TBC1D1: variants seen among roughly 807,000 people sequenced by gnomAD.
TBC1D1 encodes the protein TBC1 domain family member 1, also known as TBC1 (tre-2/USP6, BUB2, cdc16) domain family, member 1.
TBC1D1 carries 89 observed loss-of-function variants against 125.6 expected under a neutral mutation model. The observed-to-expected ratio is 0.71, with a 90% CI of 0.60 to 0.85. The LOEUF (loss-of-function observed/expected upper bound fraction) is 0.85. Ranked by LOEUF, TBC1D1 falls within the 40% of genes least tolerant of loss-of-function variation. The pLI is 0.00. For synonymous variants in TBC1D1, 565 were observed against 564.1 expected, an observed-to-expected ratio of 1.00 and a Z score of -0.02; for missense variants, 1,377 against 1,469.2, an observed-to-expected ratio of 0.94 and a Z score of 1.03.
intron 2 of TBC1D1, among the ~76,000 whole-genome samples, chr4:37,946,715 G>A (rs1726763431): frequency 6.6e-6 from 1 of 152,180 alleles, no homozygotes; most frequent in African/African-American, 2.4e-5. Flanking sequence ...AGCAGGGACT[G>A]GGGCTGTCTG....
At chr4:37,933,092 A>G (rs1164551053) in intron 2 of TBC1D1, among the ~76,000 whole-genome samples, 1 of 151,996 alleles carries the variant, frequency 6.6e-6, no homozygotes, top group Non-Finnish European at 1.5e-5. Context: ...TTATATTAGA[A>G]TGTTGCATTA....
At chr4:38,114,670 A>G (rs924551585) in intron 15 of TBC1D1, among the ~76,000 whole-genome samples, 1 of 152,244 alleles carries the variant, frequency 6.6e-6, no homozygotes, top group Non-Finnish European at 1.5e-5. Flanking sequence ...GAGGAGGAAG[A>G]GGAACTTGAC....
At chr4:37,961,053 G>T in intron 2 of TBC1D1, 1 of 1,604,486 alleles carries the variant, frequency 6.2e-7, no homozygotes, top group Non-Finnish European at 8.5e-7. Context: ...AAATTTCTTA[G>T]TGCTTTGGAG....
At chr4:37,981,074 C>T (rs1025815301) in intron 2 of TBC1D1, among the ~76,000 whole-genome samples, 1 of 152,080 alleles carries the variant, frequency 6.6e-6, no homozygotes, top group East Asian at 1.9e-4. Context: ...TCCCTAGTAG[C>T]TGGGACTACA....
intron 12 of TBC1D1, among the ~76,000 whole-genome samples, chr4:38,055,300 C>T (rs1751503578): frequency 6.6e-6 from 1 of 152,274 alleles, no homozygotes. Flanking sequence ...GCGTGGGCTT[C>T]GGAGTCTGCT....
At chr4:38,076,338 C>T (rs1247478581) in intron 12 of TBC1D1, among the ~76,000 whole-genome samples, 2 of 152,162 alleles carry the variant, frequency 1.3e-5, no homozygotes, top group African/African-American at 4.8e-5. Context: ...CCTGGTCCCT[C>T]CCATGACATG....
chr4:38,102,212 G>T (rs1191936702), intron 14 of TBC1D1, among the ~76,000 whole-genome samples: 1 of 151,444 alleles, frequency 6.6e-6, no homozygotes, highest in Non-Finnish European at 1.5e-5. Context: ...CCTGCACGTT[G>T]TGCACATGTA....
At chr4:38,034,550 T>A (rs1746839682) in intron 7 of TBC1D1, among the ~76,000 whole-genome samples, 1 of 152,174 alleles carries the variant, frequency 6.6e-6, no homozygotes, top group Admixed American at 6.5e-5. Context: ...TTTGAATGCT[T>A]ATTATGTGCA....
In TBC1D1 at chr4:38,014,540, C is replaced by T. The variant is rs141193435; in HGVS notation, c.449C>T (p.Ala150Val). ...GAGATCATCAGCTCCATCCGTCAGG[C>T]GGGGAAGATCGCCCGGCAGGAGGAG... Residue 150 changes from alanine to valine, a missense_variant, in exon 3 of 20, where the codon GCG becomes GTG. By Grantham distance (64) the Ala-to-Val change is moderately conservative. Coordinates refer to ENST00000261439, the MANE Select transcript of TBC1D1 (RefSeq NM_015173.4). The surrounding 1 kb of genome is among the most constrained non-coding windows in gnomAD (Gnocchi z 5.1). 39 of 1,613,126 alleles carry T rather than the reference C, an allele frequency of 2.4e-5. 1 individual carries two copies. In the African/African-American group the frequency reaches 2.8e-4, roughly 12 times the overall value.
intron 13 of TBC1D1, among the ~76,000 whole-genome samples, chr4:38,094,719 G>C (rs984835307): frequency 6.6e-6 from 1 of 152,080 alleles, no homozygotes; most frequent in East Asian, 1.9e-4. Flanking sequence ...GTGGCCAGAC[G>C]TGCTTGTAGC....
Position 38,014,761 on chromosome 4 carries a change from A to T in TBC1D1, c.670A>T (p.Ser224Cys). ...CCCGCCCCATGCCGCGCCCACAGGGAGCCAGGAGCCTGTGCGCAGGCCCAT... is the reference window on the plus strand; with the variant it reads ...CCCGCCCCATGCCGCGCCCACAGGGTGCCAGGAGCCTGTGCGCAGGCCCAT... The change falls in exon 3 of 20, where the codon AGC becomes TGC. Residue 224 changes from serine (S) to cysteine (C), a missense_variant. By Grantham distance (112) the Ser-to-Cys change is moderately radical. Around this residue, in one of 3 missense-constraint regions of TBC1D1, gnomAD observed 822 missense variants for 824.6 expected, o/e 1.00. Coordinates refer to ENST00000261439, the MANE Select transcript of TBC1D1 (RefSeq NM_015173.4). The surrounding 1 kb of genome is among the most constrained non-coding windows in gnomAD (Gnocchi z 5.1). 2 of 1,344,936 alleles carry T rather than the reference A, an allele frequency of 1.5e-6. No individual in the cohort carries two copies. The highest frequency in any genetic ancestry group is 2.0e-6 in the Non-Finnish European group (2 of 979,734). The allele number at this position is 1,344,936 out of a possible 1,614,324, so 83.3% of individuals were successfully genotyped here.
chr4:38,060,153 C>T (rs13130220), intron 12 of TBC1D1, among the ~76,000 whole-genome samples: 14,043 of 152,142 alleles, frequency 0.092, 713 homozygotes, highest in Non-Finnish European at 0.11. Flanking sequence ...GATTCCATGT[C>T]TTTGCTATTG....
rs745480598 is a variant in TBC1D1 at position 38,021,624 on chromosome 4, G to A, written c.1116G>A (p.Thr372=). 5 of 1,589,382 alleles carry A rather than the reference G, an allele frequency of 3.1e-6. 1 individual carries two copies. The highest frequency in any genetic ancestry group is 2.3e-5 in the South Asian group (2 of 87,786). The change falls in exon 6 of 20, where the codon ACG becomes ACA. Residue 372 remains threonine (T), a synonymous_variant. Transcript: ENST00000261439. ...TGATGACCCTGAAACAGGCCTTCAC[G>A]GTGGCCGCAGTGCAGCAGACAGCTA...
intron 2 of TBC1D1, among the ~76,000 whole-genome samples, chr4:37,924,726 A>G (rs1721710563): frequency 6.6e-6 from 1 of 152,196 alleles, no homozygotes. Context: ...AAGGCTGAGT[A>G]TTATTCCCTT....
rs186941971 is a variant in TBC1D1 at position 37,897,751 on chromosome 4, A to T, written c.-93-4252A>T. ...TGTAATAATTCTAGTACTTCTTTAA[A>T]CATGTTTTGGGATTAGCAGCTGTCA... On this transcript the variant is annotated intron_variant, in intron 1 of 19. Transcript: ENST00000261439. Among the ~76,000 whole-genome samples the T allele has an allele frequency of 3.9e-5, 6 of 152,358 alleles. No individual in the cohort carries two copies. In the East Asian group the frequency reaches 1.2e-3, roughly 29 times the overall value.
chr4:38,070,904 C>T (rs1408687631), intron 12 of TBC1D1, among the ~76,000 whole-genome samples: 1 of 152,214 alleles, frequency 6.6e-6, no homozygotes, highest in Non-Finnish European at 1.5e-5. Context: ...TGGAGACATA[C>T]TTCCATTGTG....
At chr4:38,015,041 T>C (rs546563814) in intron 3 of TBC1D1, 68 bp downstream of exon 3, 1 of 1,325,066 alleles carries the variant, frequency 7.5e-7, no homozygotes, top group South Asian at 1.5e-5. Flanking sequence ...ATCTGCTTTA[T>C]GGAGCGAAGA....
chr4:38,061,893 A>G (rs2152497750), intron 12 of TBC1D1, among the ~76,000 whole-genome samples: 1 of 152,352 alleles, frequency 6.6e-6, no homozygotes, highest in African/African-American at 2.4e-5. Context: ...CATGTGTCAT[A>G]TATAGTTTTC....
At chr4:37,921,525 G>A (rs1260018186) in intron 2 of TBC1D1, among the ~76,000 whole-genome samples, 1 of 151,044 alleles carries the variant, frequency 6.6e-6, no homozygotes, top group Non-Finnish European at 1.5e-5. Context: ...TTCTACCTCA[G>A]CCTCCCTAGT....
Sources: allele counts gnomAD v4.1 joint callset (sites outside exome capture counted in the v4.1 genomes callset), GRCh38; gene constraint gnomAD v4.1.1; regional missense constraint gnomAD v4.1.1; non-coding constraint Gnocchi (gnomAD v3.1); transcripts MANE v1.5; gene names NCBI Gene and HGNC (gene_info 2026-07-23, HGNC 2026-07-21).